RASA1: variants seen among roughly 807,000 people sequenced by gnomAD.
RASA1 encodes the protein RAS p21 protein activator 1.
In RASA1, 25 loss-of-function variants were observed where a neutral mutation model predicts 132.2. The ratio of observed to expected loss-of-function variants is 0.19; its 90% CI spans 0.14 to 0.26. RASA1 has a LOEUF of 0.26. Among genes scored for constraint, RASA1 ranks in the 10% least tolerant of loss-of-function variants. RASA1 has a pLI of 1.00. For missense variants in RASA1, 964 were observed against 1,299.2 expected, an observed-to-expected ratio of 0.74 and a Z score of 3.97; for synonymous variants, 477 against 449.9, an observed-to-expected ratio of 1.06 and a Z score of -0.76.
At chr5:87,287,550 C>CAT (rs1245677494) in intron 1 of RASA1, among the ~76,000 whole-genome samples, 2 of 139,962 alleles carry the variant, frequency 1.4e-5, no homozygotes, top group Non-Finnish European at 3.1e-5. Context: ...ATATACACAC[C>CAT]ATATATATAC....
At chr5:87,269,133 T>G in intron 1 of RASA1, 143 bp downstream of exon 1, 2 of 1,613,456 alleles carry the variant, frequency 1.2e-6, no homozygotes, top group Non-Finnish European at 1.7e-6. Context: ...GGGTAGGAAT[T>G]TAATCTGATC....
At chr5:87,307,891 T>C (rs1755694231) in intron 1 of RASA1, among the ~76,000 whole-genome samples, 1 of 152,212 alleles carries the variant, frequency 6.6e-6, no homozygotes, top group Admixed American at 6.5e-5. Context: ...GTTATCTGAA[T>C]GATCATTTGC....
chr5:87,268,161 G>A lies in RASA1; in HGVS notation c.-291G>A. ...GTGCAGCGAGGAAGTTTTCGCTTCT[G>A]TACATGTGTTTGTGTGCGTGAGTGT... On this transcript the variant is annotated 5_prime_UTR_variant, in exon 1 of 25. Transcript: ENST00000274376. The A allele has an allele frequency of 4.0e-6, 2 of 499,294 alleles. No individual in the cohort carries two copies. Among genetic ancestry groups the A allele is most frequent in the Non-Finnish European group, 7.0e-6 (2 of 284,654 alleles). The allele number at this position is 499,294 out of a possible 1,614,324, so 30.9% of individuals were successfully genotyped here.
intron 1 of RASA1, among the ~76,000 whole-genome samples, chr5:87,282,739 T>G (rs1754370449): frequency 6.6e-6 from 1 of 152,230 alleles, no homozygotes; most frequent in Non-Finnish European, 1.5e-5. Context: ...TTAGTCATTT[T>G]TCTTCCTGTT....
chr5:87,390,272 A>T (rs1762403031), intron 24 of RASA1, among the ~76,000 whole-genome samples: 1 of 152,196 alleles, frequency 6.6e-6, no homozygotes, highest in African/African-American at 2.4e-5. Context: ...AGTTTTGACT[A>T]GTTTCTAATG....
chr5:87,318,610 A>G (rs1756525448), intron 1 of RASA1: 1 of 152,138 alleles, frequency 6.6e-6, no homozygotes, highest in African/African-American at 2.4e-5. Flanking sequence ...TCTTGTGAGA[A>G]CTCACTATCA....
chr5:87,366,105 C>T (rs1183916710), intron 11 of RASA1, among the ~76,000 whole-genome samples: 1 of 152,066 alleles, frequency 6.6e-6, no homozygotes, highest in Non-Finnish European at 1.5e-5. Context: ...TCTCATTTTG[C>T]AGATTTACTG....
intron 1 of RASA1, among the ~76,000 whole-genome samples, chr5:87,283,481 T>C (rs1031477150): frequency 1.3e-5 from 2 of 152,028 alleles, no homozygotes; most frequent in Non-Finnish European, 2.9e-5. Context: ...ATGATTAATA[T>C]ATGTTTACTA....
At position 87,268,371 on chromosome 5, in the gene RASA1, T is replaced by C. The variant is rs1580178199; in HGVS notation, c.-81T>C. 1 of 1,436,756 alleles carries C rather than the reference T, an allele frequency of 7.0e-7. No individual in the cohort carries two copies. The highest frequency in any genetic ancestry group is 1.5e-5 in the African/African-American group (1 of 68,286). The allele number at this position is 1,436,756 out of a possible 1,614,324, so 89.0% of individuals were successfully genotyped here. ...GAGCTGAAGGGGAGACGCGTCTGGG[T>C]GGGGCTGCTCGGAGCCCGGGCCTGG... is the stretch of plus-strand genomic sequence containing the variant. On this transcript the variant is annotated 5_prime_UTR_variant, in exon 1 of 25. Coordinates refer to ENST00000274376, the MANE Select transcript of RASA1 (RefSeq NM_002890.3).
intron 13 of RASA1, among the ~76,000 whole-genome samples, chr5:87,373,554 G>A (rs1761103893): frequency 6.6e-6 from 1 of 152,082 alleles, no homozygotes; most frequent in African/African-American, 2.4e-5. Context: ...GAGGCTTAGA[G>A]GGACGGATTT....
Position 87,275,575 on chromosome 5 carries a change from TC to T in RASA1, c.539+6586del, listed in dbSNP as rs1754026973. Among the ~76,000 whole-genome samples the T allele has an allele frequency of 1.1e-4, 16 of 151,906 alleles. 1 individual carries two copies. In the South Asian group the frequency reaches 3.3e-3, roughly 32 times the overall value. ...CTCTCCACTTGAAGAAGGTTGGCCT[TC>T]TTTTTTTTTTTCCCCCCTGAGATGG... On this transcript the variant is annotated intron_variant, in intron 1 of 24. Transcript: ENST00000274376.
Position 87,387,840 on chromosome 5 carries a change from A to G in RASA1, c.2925+937A>G, listed in dbSNP as rs73158006. ...AATGCTAAAAGTCCATCATGCTTCT[A>G]TATGTGAACTGGGATATAGTTGGTC... is the stretch of plus-strand genomic sequence containing the variant. On this transcript the variant is annotated intron_variant, in intron 23 of 24. Transcript: ENST00000274376. Among the ~76,000 whole-genome samples the G allele has an allele frequency of 1.8e-3, 279 of 152,286 alleles. 1 individual carries two copies. The highest frequency in any genetic ancestry group is 0.017 in the Middle Eastern group (5 of 294).
intron 8 of RASA1, among the ~76,000 whole-genome samples, chr5:87,350,069 C>T (rs997283722): frequency 6.6e-6 from 1 of 151,782 alleles, no homozygotes; most frequent in African/African-American, 2.4e-5. Context: ...AGTTTAACCC[C>T]TCAGTACCAC....
intron 1 of RASA1, among the ~76,000 whole-genome samples, chr5:87,278,804 A>G (rs1250275619): frequency 6.6e-6 from 1 of 151,992 alleles, no homozygotes; most frequent in Non-Finnish European, 1.5e-5. Flanking sequence ...TTACCATACT[A>G]GAGATACAGA....
chr5:87,385,624 A>G (rs1368722591), intron 22 of RASA1, among the ~76,000 whole-genome samples: 4 of 152,118 alleles, frequency 2.6e-5, no homozygotes, highest in Non-Finnish European at 5.9e-5. Context: ...GGTCCAGTGT[A>G]CTCAAATTCT....
chr5:87,305,358 A>G (rs759552151), intron 1 of RASA1, among the ~76,000 whole-genome samples: 1 of 152,272 alleles, frequency 6.6e-6, no homozygotes, highest in African/African-American at 2.4e-5. Flanking sequence ...ACCTACAACT[A>G]TCTGATTTTT....
At position 87,389,470 on chromosome 5, in the gene RASA1, T is replaced by A; in HGVS notation, c.3003T>A (p.Ile1001=). ...GTGATTTAGCAGCATTGCATGAGATTTGCGTGGCTCATTCAGATGAACTTC... is the reference window on the plus strand; with the variant it reads ...GTGATTTAGCAGCATTGCATGAGATATGCGTGGCTCATTCAGATGAACTTC... The part of the protein sequence containing the change: ...LSRDLAALHE[I]CVAHSDELRT... Residue 1001 remains isoleucine (I), a synonymous_variant, in exon 24 of 25, where the codon ATT becomes ATA. Coordinates refer to ENST00000274376, the MANE Select transcript of RASA1 (RefSeq NM_002890.3). The A allele has an allele frequency of 6.2e-7, 1 of 1,614,100 alleles. No individual in the cohort carries two copies. The highest frequency in any genetic ancestry group is 2.2e-5 in the East Asian group (1 of 44,898).
intron 1 of RASA1, among the ~76,000 whole-genome samples, chr5:87,303,655 A>T (rs1580219452): frequency 1.3e-5 from 2 of 151,988 alleles, no homozygotes; most frequent in Admixed American, 1.3e-4. Flanking sequence ...GAATTCAGTC[A>T]TTTGAAATGA....
chr5:87,391,156 G>GAAATGCTAT lies in RASA1; in HGVS notation c.*274_*282dup. 2 of 559,206 alleles carry GAAATGCTAT rather than the reference G, an allele frequency of 3.6e-6. No homozygotes were observed. Among genetic ancestry groups the GAAATGCTAT allele is most frequent in the South Asian group, 4.3e-5 (2 of 46,688 alleles). The allele number at this position is 559,206 out of a possible 1,614,324, so 34.6% of individuals were successfully genotyped here. ...GTGTACAGACCACCTTTCACAAAAC[G>GAAATGCTAT]AAATGCTATGACTGTATCTTGATAT... is the stretch of plus-strand genomic sequence containing the variant. On this transcript the variant is annotated 3_prime_UTR_variant, in exon 25 of 25. Coordinates refer to ENST00000274376, the MANE Select transcript of RASA1 (RefSeq NM_002890.3).
Sources: gnomAD v4.1 joint callset for allele counts (sites outside exome capture counted in the v4.1 genomes callset) on GRCh38, gnomAD v4.1.1 for gene constraint, MANE v1.5 for transcripts, NCBI Gene and HGNC (gene_info 2026-07-23, HGNC 2026-07-21) for gene names.